PHACTR2: variants seen among roughly 807,000 people sequenced by gnomAD.
PHACTR2 encodes chromosome 6 open reading frame 56.
In PHACTR2, 30 loss-of-function variants were observed where a neutral mutation model predicts 76.0. The ratio of observed to expected loss-of-function variants is 0.39; its 90% CI spans 0.30 to 0.54. The LOEUF is 0.54. Ranked by LOEUF, PHACTR2 falls within the 20% of genes least tolerant of loss-of-function variation. PHACTR2 has a pLI of 0.61. For synonymous variants in PHACTR2, 292 were observed against 292.5 expected, an observed-to-expected ratio of 1.00 and a Z score of 0.02; for missense variants, 696 against 781.1, an observed-to-expected ratio of 0.89 and a Z score of 1.30.
At chr6:143,749,914 A>T (rs1779149741) in intron 3 of PHACTR2, among the ~76,000 whole-genome samples, 1 of 152,224 alleles carries the variant, frequency 6.6e-6, no homozygotes, top group Admixed American at 6.5e-5. Context: ...TACTGTAATA[A>T]TAAAGTATTA....
At chr6:143,665,657 A>G (rs1472392516) in intron 1 of PHACTR2, among the ~76,000 whole-genome samples, 1 of 152,114 alleles carries the variant, frequency 6.6e-6, no homozygotes, top group Non-Finnish European at 1.5e-5. Flanking sequence ...ATTTCATTAC[A>G]CCCACTGCTA....
At chr6:143,667,410 T>G (rs114059177) in intron 1 of PHACTR2, among the ~76,000 whole-genome samples, 2,185 of 151,450 alleles carry the variant, frequency 0.014, 61 homozygotes, top group African/African-American at 0.049. Context: ...TAAAAATTCT[T>G]TGAAGTCAGT....
rs1434480597 is a variant in PHACTR2, at chr6:143,826,945, A to T, written c.*3256A>T. On this transcript the variant is annotated 3_prime_UTR_variant, in exon 13 of 13. Transcript: ENST00000440869. ...AGTAGCATAATGAGAGTAGTCCTTT[A>T]TCTTTCTCTAATGTTAGTAAATATA... The T allele has an allele frequency of 6.6e-6, 1 of 151,724 alleles. No individual in the cohort carries two copies. Among genetic ancestry groups the T allele is most frequent in the Non-Finnish European group, 1.5e-5 (1 of 67,924 alleles). 9.4% of individuals were successfully genotyped at this position (151,724 alleles called of 1,614,324 possible). A position where few individuals can be genotyped will look rare whatever the true frequency, so the allele number is the denominator to read the frequency against.
intron 2 of PHACTR2, among the ~76,000 whole-genome samples, chr6:143,740,107 A>G (rs535364143): frequency 6.6e-6 from 1 of 152,292 alleles, no homozygotes; most frequent in South Asian, 2.1e-4. Flanking sequence ...TTATGTCATG[A>G]TTACATGCTA....
In PHACTR2 at chr6:143,787,065, TTG is replaced by T. The variant is rs66529408; in HGVS notation, c.1708-1705_1708-1704del. ...CCTCCTTATTGCCCTGGGCACAGTC[TTG>T]TGATACAAATCATCTTTCTCAATCC... On this transcript the variant is annotated intron_variant, in intron 10 of 12. Transcript: ENST00000440869. This position sits in a 1 kb window ranked among gnomAD's most constrained non-coding sequence, Gnocchi z 4.6. Among the ~76,000 whole-genome samples, 38,930 of 152,078 alleles carry T rather than the reference TTG, an allele frequency of 0.26. 5,128 individuals are homozygous for T. The highest frequency in any genetic ancestry group is 0.32 in the East Asian group (1,647 of 5,176).
At chr6:143,703,662 G>A (rs1777967440) in intron 1 of PHACTR2, among the ~76,000 whole-genome samples, 1 of 151,936 alleles carries the variant, frequency 6.6e-6, no homozygotes, top group South Asian at 2.1e-4. Flanking sequence ...AAAAGATGAT[G>A]GCAAAATAAT....
chr6:143,663,607 C>T lies in PHACTR2; in HGVS notation c.14-48409C>T, dbSNP rs1776980553. Among the ~76,000 whole-genome samples, 1 of 151,976 alleles carries T rather than the reference C, an allele frequency of 6.6e-6. No individual in the cohort carries two copies. Among genetic ancestry groups the T allele is most frequent in the Non-Finnish European group, 1.5e-5 (1 of 67,986 alleles). ...CTCTAATTACCACATTAGCTTAATTCTACATGTTTTATAGTGCTTTCATTG... is the reference window on the plus strand; with the variant it reads ...CTCTAATTACCACATTAGCTTAATTTTACATGTTTTATAGTGCTTTCATTG... On this transcript the variant is annotated intron_variant, in intron 1 of 11. Coordinates refer to the PHACTR2 transcript ENST00000305766. This position sits in a 1 kb window ranked among gnomAD's most constrained non-coding sequence, Gnocchi z 4.1.
At chr6:143,544,601 A>G (rs1174325373) in intron 1 of PHACTR2, among the ~76,000 whole-genome samples, 1 of 152,240 alleles carries the variant, frequency 6.6e-6, no homozygotes, top group African/African-American at 2.4e-5. Flanking sequence ...ACTTTAAAGT[A>G]CTGTGTAAGT....
intron 2 of PHACTR2, among the ~76,000 whole-genome samples, chr6:143,736,630 A>AGTG (rs1778827392): frequency 8.2e-6 from 1 of 122,060 alleles, no homozygotes; most frequent in Non-Finnish European, 1.6e-5. Flanking sequence ...GCTGGAGTGC[A>AGTG]GTGGCAAGAT....
At chr6:143,686,171 C>T (rs1172844470) in intron 1 of PHACTR2, among the ~76,000 whole-genome samples, 1 of 150,000 alleles carries the variant, frequency 6.7e-6, no homozygotes, top group African/African-American at 2.4e-5. Flanking sequence ...ACACTTAGAC[C>T]CAGTAGTTCT....
rs769210598 is a variant in PHACTR2 at position 143,624,596 on chromosome 6, A to G, written c.13+16274A>G. Among the ~76,000 whole-genome samples, 3 of 152,076 alleles carry G rather than the reference A, an allele frequency of 2.0e-5. No individual in the cohort carries two copies. The highest frequency in any genetic ancestry group is 2.9e-5 in the Non-Finnish European group (2 of 68,004). On this transcript the variant is annotated intron_variant, in intron 1 of 11. Transcript: ENST00000305766. This position sits in a 1 kb window ranked among gnomAD's most constrained non-coding sequence, Gnocchi z 4.6. ...TTTTTAATGTTGTGGGAAGCAGTTTATTTTCATGGTATGCGGCTTTTTTCA... is the reference window on the plus strand; with the variant it reads ...TTTTTAATGTTGTGGGAAGCAGTTTGTTTTCATGGTATGCGGCTTTTTTCA...
At chr6:143,642,355 G>A (rs1358737680) in intron 1 of PHACTR2, among the ~76,000 whole-genome samples, 1 of 152,208 alleles carries the variant, frequency 6.6e-6, no homozygotes, top group Non-Finnish European at 1.5e-5. Flanking sequence ...CTGTTGACCA[G>A]AACAATGAAC....
rs1313067231 is a variant in PHACTR2, at chr6:143,618,610, G to C, written c.13+10288G>C. 2.6e-5 allele frequency among the ~76,000 whole-genome samples: 4 copies of C among 151,884 alleles called. No individual in the cohort carries two copies. Among genetic ancestry groups the C allele is most frequent in the African/African-American group, 4.8e-5 (2 of 41,316 alleles). ...CCAGGGACTGGCAGGGGAGGCTGGG[G>C]GGGGATAGGGGTTGAATGTTTCCCT... On this transcript the variant is annotated intron_variant, in intron 1 of 11. Coordinates refer to the PHACTR2 transcript ENST00000305766. The surrounding 1 kb of genome is among the most constrained non-coding windows in gnomAD (Gnocchi z 5.2).
intron 1 of PHACTR2, among the ~76,000 whole-genome samples, chr6:143,552,174 T>G (rs1021222144): frequency 1.3e-5 from 2 of 151,544 alleles, no homozygotes; most frequent in African/African-American, 4.9e-5. Context: ...CACCTGAAAA[T>G]AGTGAGAAGC....
In PHACTR2 at chr6:143,657,380, TC is replaced by T. The variant is rs796099034; in HGVS notation, c.13+49061del. On this transcript the variant is annotated intron_variant, in intron 1 of 11. Coordinates refer to the PHACTR2 transcript ENST00000305766. Reference sequence around the variant, plus strand: ...CCTGAAAAAAGATCCTTCATGCCCTTCCCAGTCAGTCCCCACCGAGGCAAAC... The same window carrying T: ...CCTGAAAAAAGATCCTTCATGCCCTTCCAGTCAGTCCCCACCGAGGCAAAC... Among the ~76,000 whole-genome samples, 167 of 152,156 alleles carry T rather than the reference TC, an allele frequency of 1.1e-3. 1 individual carries two copies. Among genetic ancestry groups the T allele is most frequent in the African/African-American group, 3.8e-3 (159 of 41,516 alleles).
In PHACTR2 at chr6:143,589,105, C is replaced by A. The variant is rs937723946; in HGVS notation, c.217+51898C>A. ...ATTTATTTTCTCACAGCTCTGGAGG[C>A]TGGAAGTCCAAGATCAAGGTGTTAG... On this transcript the variant is annotated intron_variant, in intron 1 of 11. Coordinates refer to the PHACTR2 transcript ENST00000367584. This position sits in a 1 kb window ranked among gnomAD's most constrained non-coding sequence, Gnocchi z 4.4. Among the ~76,000 whole-genome samples, 1 of 152,180 alleles carries A rather than the reference C, an allele frequency of 6.6e-6. No homozygotes were observed. The highest frequency in any genetic ancestry group is 1.5e-5 in the Non-Finnish European group (1 of 68,038).
At chr6:143,665,939 G>T (rs952437749) in intron 1 of PHACTR2, among the ~76,000 whole-genome samples, 9 of 152,026 alleles carry the variant, frequency 5.9e-5, no homozygotes, top group African/African-American at 2.2e-4. Context: ...TTGTTACATA[G>T]GTATATACAT....
At chr6:143,614,643 A>G (rs866968563) in intron 1 of PHACTR2, among the ~76,000 whole-genome samples, 1 of 152,222 alleles carries the variant, frequency 6.6e-6, no homozygotes, top group Non-Finnish European at 1.5e-5. Flanking sequence ...GAATATGTAC[A>G]TTTCATGATA....
At chr6:143,587,558 A>G (rs1260064967) in intron 1 of PHACTR2, among the ~76,000 whole-genome samples, 1 of 152,222 alleles carries the variant, frequency 6.6e-6, no homozygotes, top group Admixed American at 6.5e-5. Flanking sequence ...GGCAAGTGGA[A>G]TGATTAAGTC....
Sources: allele counts gnomAD v4.1 joint callset (sites outside exome capture counted in the v4.1 genomes callset), GRCh38; gene constraint gnomAD v4.1.1; non-coding constraint Gnocchi (gnomAD v3.1); transcripts MANE v1.5; gene names NCBI Gene and HGNC (gene_info 2026-07-23, HGNC 2026-07-21).